TRPA1: variants seen among roughly 807,000 people sequenced by gnomAD.
TRPA1 encodes transient receptor potential cation channel subfamily A member 1.
A neutral mutation model predicts 131.3 loss-of-function variants in TRPA1; 129 were observed. The observed-to-expected ratio is 0.98, with a 90% CI of 0.85 to 1.14. The LOEUF is 1.14. Ranked by LOEUF, TRPA1 falls within the 50% of genes most tolerant of loss-of-function variation. The pLI is 0.00. For synonymous variants in TRPA1, 441 were observed against 451.7 expected (o/e 0.98, Z 0.30); for missense variants, 1,304 against 1,354.2 (o/e 0.96, Z 0.58).
the TRPA1 span, among the ~76,000 whole-genome samples, chr8:72,085,256 G>A: frequency 0.038 from 5,828 of 151,876 alleles, 375 homozygotes; most frequent in African/African-American, 0.13. Flanking sequence ...TTTTAATATA[G>A]CATTTTATAT....
Position 72,061,045 on chromosome 8 carries a change from T to C in TRPA1, c.944+580A>G, listed in dbSNP as rs528696850. Among the ~76,000 whole-genome samples the C allele has an allele frequency of 2.0e-5, 3 of 152,292 alleles. No individual in the cohort carries two copies. The South Asian group carries it at 6.2e-4, about 32-fold the overall frequency. ...ATGGGTAGCATCTGATACTTGTCTT[T>C]CCAAAAGAATTGAATTTCCAGTCTA... On this transcript the variant is annotated intron_variant, in intron 7 of 26. Transcript: ENST00000262209.
At chr8:72,023,182 AAGGC>A in intron 26 of TRPA1, 66 bp from the exon 27 acceptor site, 1 of 1,255,190 alleles carries the variant, frequency 8.0e-7, no homozygotes, top group Non-Finnish European at 1.1e-6. Context: ...TGAATGTAGG[AAGGC>A]ATAGGTTTTA....
intron 19 of TRPA1, among the ~76,000 whole-genome samples, chr8:72,038,571 C>T (rs1337958807): frequency 2.0e-5 from 3 of 152,134 alleles, no homozygotes; most frequent in Non-Finnish European, 2.9e-5. Context: ...CTGGCAACTA[C>T]AAATCTGCTT....
At chr8:72,086,355 T>G in the TRPA1 span, among the ~76,000 whole-genome samples, 1 of 152,330 alleles carries the variant, frequency 6.6e-6, no homozygotes, top group South Asian at 2.1e-4. Context: ...CCATCCATAG[T>G]TATACATTCT....
upstream of TRPA1, among the ~76,000 whole-genome samples, chr8:72,079,387 G>A (rs774642924): frequency 2.6e-5 from 4 of 151,598 alleles, no homozygotes; most frequent in South Asian, 2.1e-4. Flanking sequence ...TTTTTTGTTC[G>A]GGTTGTGGGG....
chr8:72,049,913 G>GGA (rs1805453248), intron 15 of TRPA1, among the ~76,000 whole-genome samples: 1 of 150,882 alleles, frequency 6.6e-6, no homozygotes, highest in Admixed American at 6.7e-5. Context: ...TATACAAAAG[G>GGA]GAGAGGTGGG....
At chr8:72,080,183 A>T (rs1806261872), upstream of TRPA1, among the ~76,000 whole-genome samples, 1 of 151,856 alleles carries the variant, frequency 6.6e-6, no homozygotes, top group Non-Finnish European at 1.5e-5. Flanking sequence ...GACATTGTTG[A>T]ATAGAAGAGG....
intron 3 of TRPA1, among the ~76,000 whole-genome samples, chr8:72,068,595 T>C (rs745397090): frequency 6.6e-6 from 1 of 152,206 alleles, no homozygotes; most frequent in Non-Finnish European, 1.5e-5. Flanking sequence ...ATCAGTCAGG[T>C]AAAAGTGATA....
chr8:72,089,819 A>G, the TRPA1 span, among the ~76,000 whole-genome samples: 1 of 152,136 alleles, frequency 6.6e-6, no homozygotes, highest in African/African-American at 2.4e-5. Flanking sequence ...ACTGGCATTC[A>G]GATGTATATG....
rs985352938 is a variant in TRPA1, at chr8:72,050,740, G to A, written c.1905+38C>T. 4 of 1,325,706 alleles carry A rather than the reference G, an allele frequency of 3.0e-6. 1 individual carries two copies. Among genetic ancestry groups the A allele is most frequent in the Non-Finnish European group, 2.2e-6 (2 of 920,110 alleles). 82.1% of individuals were successfully genotyped at this position (1,325,706 alleles called of 1,614,324 possible). A position where few individuals can be genotyped will look rare whatever the true frequency, so the allele number is the denominator to read the frequency against. ...TTGTGATTACAACAACATATGTCAA[G>A]CATAAACCCGGGAAGAATTTTGTTT... On this transcript the variant is annotated intron_variant, in intron 15 of 26. Coordinates refer to ENST00000262209, the MANE Select transcript of TRPA1 (RefSeq NM_007332.3).
intron 20 of TRPA1, among the ~76,000 whole-genome samples, chr8:72,037,275 C>A (rs2129433792): frequency 6.6e-6 from 1 of 152,114 alleles, no homozygotes; most frequent in East Asian, 1.9e-4. Flanking sequence ...AGAAAATTTT[C>A]ACAGAAAGTG....
At chr8:72,071,946 A>C in intron 1 of TRPA1, 79 bp from the exon 2 acceptor site, 3 of 1,314,384 alleles carry the variant, frequency 2.3e-6, no homozygotes, top group South Asian at 2.5e-5. Context: ...GCCTGAAAGA[A>C]CTTATTATTA....
At chr8:72,045,157 G>C (rs1812384982) in intron 17 of TRPA1, among the ~76,000 whole-genome samples, 1 of 151,892 alleles carries the variant, frequency 6.6e-6, no homozygotes, top group Admixed American at 6.6e-5. Flanking sequence ...TACTCAAGGA[G>C]AGCTAAAGCG....
intron 6 of TRPA1, 99 bp downstream of exon 6, chr8:72,062,700 T>G: frequency 8.5e-7 from 1 of 1,174,874 alleles, no homozygotes; most frequent in Non-Finnish European, 1.3e-6. Context: ...ATTTCTTGTA[T>G]GTATTTCAAT....
chr8:72,068,913 G>T, intron 3 of TRPA1, 110 bp downstream of exon 3: 4 of 1,090,810 alleles, frequency 3.7e-6, no homozygotes, highest in South Asian at 1.3e-5. Context: ...CATTTTGTTT[G>T]CCATGGAAGC....
chr8:72,047,053 C>T, intron 16 of TRPA1, 95 bp downstream of exon 16: 4 of 908,774 alleles, frequency 4.4e-6, no homozygotes, highest in Non-Finnish European at 7.0e-6. Context: ...ATACCATCTG[C>T]AGTAGATTAC....
Position 72,055,832 on chromosome 8 carries a change from T to C in TRPA1, c.1218A>G (p.Val406=). The change falls in exon 11 of 27, where the codon GTA becomes GTG. Residue 406 remains valine, a synonymous_variant. Coordinates refer to ENST00000262209, the MANE Select transcript of TRPA1 (RefSeq NM_007332.3). ...FMQMQQIKEL[V]MDEDNDGCTP... ...TACACCCATCGTTGTCTTCATCCATTACCAGCTCTTTGATCTGTTGCATCT... is the reference window on the plus strand; with the variant it reads ...TACACCCATCGTTGTCTTCATCCATCACCAGCTCTTTGATCTGTTGCATCT... The C allele has an allele frequency of 6.2e-7, 1 of 1,613,174 alleles. No homozygotes were observed. Among genetic ancestry groups the C allele is most frequent in the Non-Finnish European group, 8.5e-7 (1 of 1,179,612 alleles).
At chr8:72,036,005 CAAAAAAAA>C (rs58197251) in intron 21 of TRPA1, among the ~76,000 whole-genome samples, 3 of 44,968 alleles carry the variant, frequency 6.7e-5, no homozygotes, top group Non-Finnish European at 1.2e-4. Flanking sequence ...TCCCCCTCCA[CAAAAAAAA>C]AAAAAAAAAA....
Position 72,075,574 on chromosome 8 carries a change from A to G in TRPA1, c.-165T>C. 1.5e-6 allele frequency: 1 copy of G among 653,430 alleles called. No individual in the cohort carries two copies. Among genetic ancestry groups the G allele is most frequent in the Non-Finnish European group, 2.7e-6 (1 of 367,172 alleles). The allele number at this position is 653,430 out of a possible 1,614,324, so 40.5% of individuals were successfully genotyped here. On this transcript the variant is annotated 5_prime_UTR_variant, in exon 1 of 27. Transcript: ENST00000262209. Reference sequence around the variant, plus strand: ...AAAAGTCGCTCTGCGGAAGCCCTGGAGAACTTCTGGAAGGAGTTCTCAGGC... The same window carrying G: ...AAAAGTCGCTCTGCGGAAGCCCTGGGGAACTTCTGGAAGGAGTTCTCAGGC...
Sources: gnomAD v4.1 joint callset for allele counts (sites outside exome capture counted in the v4.1 genomes callset) on GRCh38, gnomAD v4.1.1 for gene constraint, MANE v1.5 for transcripts, NCBI Gene and HGNC (gene_info 2026-07-23, HGNC 2026-07-21) for gene names.